Variants in MTM1 observed in about 807,000 individuals in gnomAD.
MTM1 encodes myotubularin.
In MTM1, 9 loss-of-function variants were observed where a neutral mutation model predicts 52.1. The observed-to-expected ratio is 0.17, with a 90% CI of 0.10 to 0.30. The LOEUF (loss-of-function observed/expected upper bound fraction) is 0.30, where lower values mean the gene tolerates loss of function less well. Ranked by LOEUF, MTM1 falls within the 10% of genes least tolerant of loss-of-function variation. The probability of loss-of-function intolerance (pLI) is 1.00; values close to 1 mark genes in which losing one functional copy is unlikely to be tolerated. For synonymous variants in MTM1, 136 were observed against 163.8 expected (o/e 0.83, Z 1.29); for missense variants, 277 against 470.7 (o/e 0.59, Z 3.81).
chrX:150,641,343 T>C lies in MTM1; in HGVS notation c.603T>C (p.Leu201=), dbSNP rs1557413854. The change falls in exon 8 of 15, where the codon CTT becomes CTC. Residue 201 remains leucine, a synonymous_variant. Transcript: ENST00000370396. Reference sequence around the variant, plus strand: ...AGCTCTGTGACACTTACCCTGCTCTTTTGGTGGTTCCGTATCGTGCCTCAG... The same window carrying C: ...AGCTCTGTGACACTTACCCTGCTCTCTTGGTGGTTCCGTATCGTGCCTCAG... ...CYELCDTYPA[L]LVVPYRASDD... is the part of the protein sequence containing the mutation. 1 of 1,211,491 alleles carries C rather than the reference T, an allele frequency of 8.3e-7. No individual in the cohort carries two copies. Among genetic ancestry groups the C allele is most frequent in the East Asian group, 3.0e-5 (1 of 33,841 alleles).
the MTM1 span, among the ~76,000 whole-genome samples, chrX:150,563,305 CTTTTTTTTTTTTTTTTT>C: frequency 2.3e-4 from 8 of 34,505 alleles, no homozygotes; most frequent in African/African-American, 8.1e-4. Flanking sequence ...TAAATCTCAG[CTTTTTTTTTTTTTTTTT>C]TTTTTTTTTT....
At chrX:150,660,024 C>T (rs1177669996) in intron 12 of MTM1, among the ~76,000 whole-genome samples, 1 of 111,635 alleles carries the variant, frequency 9.0e-6, no homozygotes, top group Non-Finnish European at 1.9e-5. Context: ...TTGACAATAC[C>T]AAGTCGTCGT....
intron 8 of MTM1, among the ~76,000 whole-genome samples, 178 bp downstream of exon 8, chrX:150,641,596 C>T (rs1557413863): frequency 9.0e-6 from 1 of 111,241 alleles, no homozygotes; most frequent in African/African-American, 3.3e-5. Context: ...CACCTGCCTT[C>T]TAGGAGCTTG....
At chrX:150,583,658 T>C (rs1187762154) in intron 1 of MTM1, among the ~76,000 whole-genome samples, 2 of 38,472 alleles carry the variant, frequency 5.2e-5, no homozygotes, top group East Asian at 1.8e-3. Flanking sequence ...TTATATATAT[T>C]ATATATAATT....
chrX:150,643,153 T>TA (rs1370699428), intron 8 of MTM1, among the ~76,000 whole-genome samples: 5 of 111,516 alleles, frequency 4.5e-5, no homozygotes, highest in African/African-American at 1.6e-4. Flanking sequence ...CCAGAAAACA[T>TA]ATGTGCCTTT....
chrX:150,567,390 G>A (rs2038276357), upstream of MTM1, among the ~76,000 whole-genome samples: 1 of 111,315 alleles, frequency 9.0e-6, no homozygotes, highest in African/African-American at 3.3e-5. Flanking sequence ...CATATACACT[G>A]GTATCAGGTA....
intron 1 of MTM1, among the ~76,000 whole-genome samples, chrX:150,589,674 G>A (rs2038849004): frequency 9.1e-6 from 1 of 109,853 alleles, no homozygotes; most frequent in African/African-American, 3.3e-5. Context: ...GACAGCCCAG[G>A]GCTTGTACAC....
intron 9 of MTM1, among the ~76,000 whole-genome samples, chrX:150,649,470 G>A (rs781899579): frequency 1.8e-5 from 2 of 112,180 alleles, no homozygotes; most frequent in South Asian, 3.7e-4. Context: ...GCATTTTGAG[G>A]ATGATTTTTT....
At chrX:150,631,518 C>T (rs1185604417) in intron 6 of MTM1, among the ~76,000 whole-genome samples, 3 of 109,573 alleles carry the variant, frequency 2.7e-5, no homozygotes, top group Non-Finnish European at 5.7e-5. Flanking sequence ...CAAAAATTAG[C>T]TGGGTGTGGT....
chrX:150,665,222 C>G (rs1032236534), intron 14 of MTM1, among the ~76,000 whole-genome samples: 5 of 112,192 alleles, frequency 4.5e-5, no homozygotes, highest in South Asian at 7.3e-4. Flanking sequence ...CTACACACAT[C>G]TTTATCTCCC....
At chrX:150,588,242 A>G (rs782251745) in intron 1 of MTM1, among the ~76,000 whole-genome samples, 52 of 112,230 alleles carry the variant, frequency 4.6e-4, no homozygotes, top group Non-Finnish European at 1.1e-4. Context: ...GTAAATGCCA[A>G]CACAGAGTCA....
chrX:150,612,856 T>C (rs2039310849), intron 4 of MTM1, among the ~76,000 whole-genome samples: 1 of 111,078 alleles, frequency 9.0e-6, no homozygotes, highest in African/African-American at 3.3e-5. Flanking sequence ...TGGTGGCACA[T>C]GCCTGTAATC....
chrX:150,568,212 GT>G (rs1474384914), upstream of MTM1, among the ~76,000 whole-genome samples: 6 of 112,824 alleles, frequency 5.3e-5, no homozygotes, highest in Non-Finnish European at 1.1e-4. Context: ...GTATAGAGAA[GT>G]TTTCCCTCTG....
intron 10 of MTM1, among the ~76,000 whole-genome samples, chrX:150,654,927 C>G (rs2040084905): frequency 8.9e-6 from 1 of 112,070 alleles, no homozygotes; most frequent in African/African-American, 3.2e-5. Context: ...ATAATATATA[C>G]AAATTGTTGA....
At chrX:150,597,806 G>T (rs894950001) in intron 3 of MTM1, among the ~76,000 whole-genome samples, 7 of 111,853 alleles carry the variant, frequency 6.3e-5, no homozygotes, top group African/African-American at 2.3e-4. Flanking sequence ...AAAGAAAAAG[G>T]TTTGGTGCGG....
intron 4 of MTM1, among the ~76,000 whole-genome samples, chrX:150,608,482 G>A (rs192276788): frequency 3.0e-3 from 334 of 112,097 alleles, no homozygotes; most frequent in Middle Eastern, 9.3e-3. Context: ...GCCTCCCAAA[G>A]TGCTGGGATT....
intron 13 of MTM1, among the ~76,000 whole-genome samples, chrX:150,661,104 C>T (rs1217451986): frequency 1.8e-5 from 2 of 111,385 alleles, no homozygotes; most frequent in African/African-American, 6.5e-5. Context: ...TCACTGCAAC[C>T]TCTGCCTTCC....
chrX:150,621,042 C>T (rs983499373), intron 6 of MTM1, among the ~76,000 whole-genome samples: 2 of 105,334 alleles, frequency 1.9e-5, no homozygotes, highest in Non-Finnish European at 3.9e-5. Context: ...CGCTTGAACC[C>T]GGGAGGCAGA....
intron 13 of MTM1, among the ~76,000 whole-genome samples, 163 bp downstream of exon 13, chrX:150,660,647 T>C (rs1441553027): frequency 1.8e-5 from 2 of 112,204 alleles, no homozygotes; most frequent in Non-Finnish European, 3.8e-5. Flanking sequence ...AAGGAATACC[T>C]GAGGCTGGGT....
Sources: allele counts gnomAD v4.1 joint callset (sites outside exome capture counted in the v4.1 genomes callset), GRCh38; gene constraint gnomAD v4.1.1; transcripts MANE v1.5; gene names NCBI Gene and HGNC (gene_info 2026-07-23, HGNC 2026-07-21).